The following ADK variants were observed in gnomAD, a reference collection of about 807,000 sequenced individuals.
ADK encodes the protein N6,N6-dimethyladenosine kinase.
In ADK, 24 loss-of-function variants were observed where a neutral mutation model predicts 44.7. The ratio of observed to expected loss-of-function variants is 0.54; its 90% CI spans 0.39 to 0.76. The LOEUF (loss-of-function observed/expected upper bound fraction) is 0.76, where lower values mean the gene tolerates loss of function less well. ADK is among the 30% of genes least tolerant of loss of function. The probability of loss-of-function intolerance (pLI) is 0.00; values close to 1 mark genes in which losing one functional copy is unlikely to be tolerated. For synonymous variants in ADK, 128 were observed against 142.6 expected, an observed-to-expected ratio of 0.90 and a Z score of 0.73; for missense variants, 321 against 425.1, an observed-to-expected ratio of 0.76 and a Z score of 2.15.
chr10:74,151,809 C>G (rs756945581), intron 1 of ADK, among the ~76,000 whole-genome samples: 9 of 152,226 alleles, frequency 5.9e-5, no homozygotes, highest in Non-Finnish European at 1.5e-5. Context: ...CCTTTTCGTG[C>G]ACATTCTGAA....
intron 3 of ADK, among the ~76,000 whole-genome samples, chr10:74,305,274 A>G (rs1048791377): frequency 6.6e-6 from 1 of 152,206 alleles, no homozygotes; most frequent in African/African-American, 2.4e-5. Context: ...CATGTCATAT[A>G]ATTAGATGAA....
chr10:74,231,704 G>GAT (rs1343900284), intron 3 of ADK, among the ~76,000 whole-genome samples: 1 of 143,514 alleles, frequency 7.0e-6, no homozygotes, highest in African/African-American at 2.6e-5. Flanking sequence ...GGGCTCAAGT[G>GAT]ATATGTCTGC....
At chr10:74,576,356 A>AAAATTG (rs1851184960) in intron 7 of ADK, among the ~76,000 whole-genome samples, 1 of 152,136 alleles carries the variant, frequency 6.6e-6, no homozygotes, top group Admixed American at 6.5e-5. Flanking sequence ...GTGCATGGGG[A>AAAATTG]AAATTGACAA....
chr10:74,435,823 G>A (rs533120079), intron 6 of ADK, among the ~76,000 whole-genome samples: 2 of 152,194 alleles, frequency 1.3e-5, no homozygotes, highest in South Asian at 2.1e-4. Context: ...GCAAAAATAT[G>A]TCAAAAATAA....
At chr10:74,326,260 C>CTT (rs1383359570) in intron 4 of ADK, among the ~76,000 whole-genome samples, 3 of 152,072 alleles carry the variant, frequency 2.0e-5, no homozygotes, top group Non-Finnish European at 4.4e-5. Context: ...ATTCTTTCCT[C>CTT]TTTATTTTTT....
At chr10:74,545,025 A>G (rs1473037234) in intron 7 of ADK, among the ~76,000 whole-genome samples, 1 of 152,118 alleles carries the variant, frequency 6.6e-6, no homozygotes, top group Non-Finnish European at 1.5e-5. Context: ...AAAGCGAACA[A>G]TTGGGGTTTT....
chr10:74,565,040 T>C (rs931852621), intron 7 of ADK, among the ~76,000 whole-genome samples: 2 of 152,250 alleles, frequency 1.3e-5, no homozygotes, highest in African/African-American at 2.4e-5. Context: ...TTTTACTCTT[T>C]TCTTTCCCTA....
chr10:74,429,356 C>G (rs2133072554), intron 6 of ADK, among the ~76,000 whole-genome samples: 1 of 152,280 alleles, frequency 6.6e-6, no homozygotes, highest in South Asian at 2.1e-4. Flanking sequence ...AGATTCAACA[C>G]ATGATAGTAG....
intron 6 of ADK, among the ~76,000 whole-genome samples, chr10:74,503,147 A>G (rs1026124871): frequency 2.0e-5 from 3 of 152,194 alleles, no homozygotes; most frequent in African/African-American, 7.2e-5. Flanking sequence ...GAGTGGTTGC[A>G]ACAGATACCA....
chr10:74,624,330 G>A (rs1200776566), intron 9 of ADK, among the ~76,000 whole-genome samples: 2 of 150,482 alleles, frequency 1.3e-5, no homozygotes, highest in African/African-American at 2.4e-5. Flanking sequence ...GCTTTTCTCT[G>A]CTGTTGTTAA....
chr10:74,401,531 A>C (rs1843711035), intron 6 of ADK, among the ~76,000 whole-genome samples: 1 of 149,892 alleles, frequency 6.7e-6, no homozygotes, highest in African/African-American at 2.4e-5. Context: ...GTTGGTTTAA[A>C]GTCTGTTTTA....
chr10:74,270,379 G>A (rs1256775465), intron 3 of ADK, among the ~76,000 whole-genome samples: 1 of 152,180 alleles, frequency 6.6e-6, no homozygotes, highest in Non-Finnish European at 1.5e-5. Flanking sequence ...TTAAAAGAAT[G>A]GTATTGCTTT....
intron 6 of ADK, among the ~76,000 whole-genome samples, chr10:74,435,104 G>A (rs975253904): frequency 2.0e-5 from 3 of 152,152 alleles, no homozygotes; most frequent in Non-Finnish European, 2.9e-5. Flanking sequence ...TGTTGGGTGA[G>A]AGGGAAGGTT....
At chr10:74,163,733 G>A (rs972722555) in intron 1 of ADK, among the ~76,000 whole-genome samples, 1 of 152,150 alleles carries the variant, frequency 6.6e-6, no homozygotes, top group Admixed American at 6.5e-5. Flanking sequence ...TAGAATGGCA[G>A]TCTGAAAAAT....
intron 3 of ADK, among the ~76,000 whole-genome samples, chr10:74,251,141 C>G (rs1356099623): frequency 1.3e-5 from 2 of 152,094 alleles, no homozygotes; most frequent in African/African-American, 2.4e-5. Flanking sequence ...TAATTAAATG[C>G]TGGTACTATT....
chr10:74,244,931 G>T (rs1232084121), intron 3 of ADK, among the ~76,000 whole-genome samples: 1 of 152,200 alleles, frequency 6.6e-6, no homozygotes, highest in Non-Finnish European at 1.5e-5. Flanking sequence ...AAGCTGGAAA[G>T]ATTTAGCCAG....
chr10:74,674,834 A>G (rs113260476), intron 10 of ADK, among the ~76,000 whole-genome samples: 3 of 152,150 alleles, frequency 2.0e-5, no homozygotes, highest in Admixed American at 6.5e-5. Context: ...GTGAGTCAAG[A>G]TCTTGCTACT....
intron 9 of ADK, among the ~76,000 whole-genome samples, chr10:74,660,554 A>G (rs766082734): frequency 2.0e-5 from 3 of 151,290 alleles, no homozygotes; most frequent in Non-Finnish European, 4.4e-5. Flanking sequence ...CCTGGGCAAC[A>G]TGACGAAAAC....
At chr10:74,625,803 A>G (rs1853175974) in intron 9 of ADK, among the ~76,000 whole-genome samples, 1 of 152,200 alleles carries the variant, frequency 6.6e-6, no homozygotes, top group South Asian at 2.1e-4. Flanking sequence ...ATAAAGACTA[A>G]TGCAAAAGGC....
Sources: allele counts gnomAD v4.1 joint callset (sites outside exome capture counted in the v4.1 genomes callset), GRCh38; gene constraint gnomAD v4.1.1; transcripts MANE v1.5; gene names NCBI Gene and HGNC (gene_info 2026-07-23, HGNC 2026-07-21).